The following MBD5 variants were observed in gnomAD, a reference collection of about 807,000 sequenced individuals.
MBD5 encodes the protein methyl-CpG-binding domain protein 5.
A neutral mutation model predicts 117.3 loss-of-function variants in MBD5; 13 were observed. That is an observed-to-expected ratio of 0.11 (90% CI 0.07 to 0.18). The LOEUF (loss-of-function observed/expected upper bound fraction) is 0.18. MBD5 is among the 10% of genes least tolerant of loss of function. The probability of loss-of-function intolerance (pLI) is 1.00; values close to 1 mark genes in which losing one functional copy is unlikely to be tolerated. For missense variants in MBD5, 1,879 were observed against 2,093.8 expected, an observed-to-expected ratio of 0.90 and a Z score of 2.00; for synonymous variants, 727 against 766.4, an observed-to-expected ratio of 0.95 and a Z score of 0.85.
intron 2 of MBD5, among the ~76,000 whole-genome samples, chr2:148,218,943 G>A (rs907352687): frequency 6.6e-6 from 1 of 152,034 alleles, no homozygotes; most frequent in Non-Finnish European, 1.5e-5. Flanking sequence ...GTAGACTTAG[G>A]CTACACTAAA....
intron 4 of MBD5, among the ~76,000 whole-genome samples, chr2:148,357,082 A>T (rs1703399562): frequency 6.6e-6 from 1 of 152,212 alleles, no homozygotes; most frequent in South Asian, 2.1e-4. Context: ...TCTGGGGGAA[A>T]GGAGAGAAGT....
intron 2 of MBD5, among the ~76,000 whole-genome samples, chr2:148,185,408 C>CA (rs1243022196): frequency 6.6e-6 from 1 of 152,114 alleles, no homozygotes; most frequent in Admixed American, 6.6e-5. Context: ...GAAAGAAACT[C>CA]AAACAAAAGC....
intron 2 of MBD5, among the ~76,000 whole-genome samples, chr2:148,230,335 C>T (rs1288848492): frequency 6.6e-6 from 1 of 152,322 alleles, no homozygotes; most frequent in African/African-American, 2.4e-5. Flanking sequence ...GCTACCGCTA[C>T]CACATCTCCA....
chr2:148,208,374 C>T (rs576267747), intron 2 of MBD5, among the ~76,000 whole-genome samples: 2 of 152,272 alleles, frequency 1.3e-5, no homozygotes, highest in East Asian at 3.9e-4. Context: ...GTGTCTCAGC[C>T]TCCCAAGTAG....
intron 1 of MBD5, among the ~76,000 whole-genome samples, chr2:148,177,050 A>T (rs749453539): frequency 1.6e-4 from 25 of 152,208 alleles, no homozygotes; most frequent in Non-Finnish European, 2.5e-4. Context: ...CTTACAAAAG[A>T]TATAATCCAT....
At chr2:148,142,925 G>A (rs1364230008) in intron 1 of MBD5, among the ~76,000 whole-genome samples, 1 of 152,144 alleles carries the variant, frequency 6.6e-6, no homozygotes, top group African/African-American at 2.4e-5. Context: ...CATGTTCCTA[G>A]TTCACTTTTG....
intron 8 of MBD5, among the ~76,000 whole-genome samples, chr2:148,475,969 A>G (rs920644413): frequency 6.6e-6 from 1 of 152,212 alleles, no homozygotes; most frequent in Non-Finnish European, 1.5e-5. Flanking sequence ...TAAGCCTTAT[A>G]CTACTTGCAA....
At chr2:148,182,165 G>GT (rs536265499) in intron 2 of MBD5, among the ~76,000 whole-genome samples, 6 of 151,826 alleles carry the variant, frequency 4.0e-5, no homozygotes, top group Non-Finnish European at 8.8e-5. Flanking sequence ...CTTACAAAAT[G>GT]TTTTTTAATA....
intron 4 of MBD5, among the ~76,000 whole-genome samples, chr2:148,379,713 A>G (rs1704081571): frequency 6.6e-6 from 1 of 152,080 alleles, no homozygotes; most frequent in African/African-American, 2.4e-5. Flanking sequence ...GGACAAAAAT[A>G]AAATGTTAGA....
At chr2:148,102,729 CAGAGAGAGAG>C (rs70992193) in intron 1 of MBD5, among the ~76,000 whole-genome samples, 3,712 of 102,270 alleles carry the variant, frequency 0.036, 78 homozygotes, top group Middle Eastern at 0.06. Flanking sequence ...CACACACACA[CAGAGAGAGAG>C]AGAGAGAGAG....
chr2:148,397,401 C>G (rs1219394784), intron 4 of MBD5, among the ~76,000 whole-genome samples: 5 of 144,746 alleles, frequency 3.5e-5, no homozygotes, highest in African/African-American at 7.7e-5. Flanking sequence ...ACGATCTCGG[C>G]TCACTGCAAG....
intron 3 of MBD5, among the ~76,000 whole-genome samples, chr2:148,314,460 C>A (rs1229002689): frequency 6.8e-6 from 1 of 146,006 alleles, no homozygotes; most frequent in African/African-American, 2.5e-5. Flanking sequence ...TCACTGCAAC[C>A]TCCACCTCCC....
At chr2:148,294,521 T>TTTTTTTTTTA (rs1701602026) in intron 3 of MBD5, among the ~76,000 whole-genome samples, 1 of 110,970 alleles carries the variant, frequency 9.0e-6, no homozygotes, top group African/African-American at 3.4e-5. Context: ...TTTTTTTTTT[T>TTTTTTTTTTA]GAGATAGAGC....
At chr2:148,139,509 G>GA (rs1697259442) in intron 1 of MBD5, among the ~76,000 whole-genome samples, 2 of 152,118 alleles carry the variant, frequency 1.3e-5, no homozygotes, top group African/African-American at 4.8e-5. Flanking sequence ...ACTGTGCCCG[G>GA]CCTTCTTTAA....
At chr2:148,324,869 A>G (rs1354529644) in intron 3 of MBD5, among the ~76,000 whole-genome samples, 2 of 152,046 alleles carry the variant, frequency 1.3e-5, no homozygotes, top group Admixed American at 6.6e-5. Context: ...TTCCAACACT[A>G]TGTTGAATAG....
intron 12 of MBD5, among the ~76,000 whole-genome samples, chr2:148,503,436 G>A (rs747759390): frequency 6.6e-6 from 1 of 152,130 alleles, no homozygotes; most frequent in East Asian, 1.9e-4. Flanking sequence ...ATGATTCGTA[G>A]TGTATCTTGC....
chr2:148,237,183 G>C (rs1700108977), intron 3 of MBD5, among the ~76,000 whole-genome samples: 1 of 152,170 alleles, frequency 6.6e-6, no homozygotes, highest in African/African-American at 2.4e-5. Context: ...CAGCAACAAG[G>C]CTGTTTTTCT....
chr2:148,404,515 C>T (rs562092332), intron 4 of MBD5, among the ~76,000 whole-genome samples: 12 of 152,296 alleles, frequency 7.9e-5, no homozygotes, highest in African/African-American at 2.9e-4. Flanking sequence ...ATTCTGTAAA[C>T]TCACACTGCA....
At chr2:148,338,108 G>C (rs769757139) in intron 3 of MBD5, among the ~76,000 whole-genome samples, 1 of 152,054 alleles carries the variant, frequency 6.6e-6, no homozygotes, top group Non-Finnish European at 1.5e-5. Flanking sequence ...TACCTGCAGG[G>C]TTATTACACT....
Sources: allele counts gnomAD v4.1 joint callset (sites outside exome capture counted in the v4.1 genomes callset), GRCh38; gene constraint gnomAD v4.1.1; transcripts MANE v1.5; gene names NCBI Gene and HGNC (gene_info 2026-07-23, HGNC 2026-07-21).